ANKRD27: variants seen among roughly 807,000 people sequenced by gnomAD.
ANKRD27 encodes ankyrin repeat domain 27.
Under a neutral mutation model 129.7 loss-of-function variants are expected in ANKRD27, and 112 were observed. The observed-to-expected ratio is 0.86, with a 90% confidence interval of 0.74 to 1.01. ANKRD27 has a LOEUF of 1.01. ANKRD27 is among the 50% of genes least tolerant of loss of function. ANKRD27 has a pLI of 0.00. For missense variants in ANKRD27, 1,258 were observed against 1,300.5 expected, an observed-to-expected ratio of 0.97 and a Z score of 0.50; for synonymous variants, 516 against 511.2, an observed-to-expected ratio of 1.01 and a Z score of -0.13.
chr19:32,666,997 G>A (rs1172246968), intron 1 of ANKRD27, among the ~76,000 whole-genome samples: 3 of 152,122 alleles, frequency 2.0e-5, no homozygotes, highest in Non-Finnish European at 4.4e-5. Flanking sequence ...GCCTCCATCT[G>A]GGCCTGCACC....
rs201782507 is a variant in ANKRD27 at position 32,643,301 on chromosome 19, T to C, written c.691A>G (p.Met231Val). 319 of 1,613,966 alleles carry C rather than the reference T, an allele frequency of 2.0e-4. 1 individual carries two copies. Among genetic ancestry groups the C allele is most frequent in the Middle Eastern group, 1.6e-4 (1 of 6,084 alleles). Residue 231 changes from methionine to valine, a missense_variant, in exon 8 of 29, where the codon ATG becomes GTG. Coordinates refer to ENST00000306065, the MANE Select transcript of ANKRD27 (RefSeq NM_032139.3). ...YNLIFKYVGT[M>V]EASEDAAFNK... ...TGAGAACCTACCTCACTTGCCTCCA[T>C]GGTCCCCACGTATTTAAAGATCAGG...
chr19:32,620,885 CAAAAAAAAAAAAAA>C (rs746859989), intron 18 of ANKRD27, among the ~76,000 whole-genome samples: 1 of 75,302 alleles, frequency 1.3e-5, no homozygotes, highest in Non-Finnish European at 2.4e-5. Flanking sequence ...AACCTTGTCT[CAAAAAAAAAAAAAA>C]AAAAAAAAAA....
intron 23 of ANKRD27, among the ~76,000 whole-genome samples, chr19:32,606,231 C>T (rs1482929086): frequency 6.6e-6 from 1 of 150,610 alleles, no homozygotes; most frequent in Non-Finnish European, 1.5e-5. Context: ...TGGCTTACTC[C>T]AGCCTCCGCC....
Position 32,642,022 on chromosome 19 carries a change from A to G in ANKRD27, c.904+2T>C, listed in dbSNP as rs761880780. ...TGGCCAGTCCCCTTTCCAAGCACAA[A>G]CCTCTCTGGCTTGGAGACTGTGTAA... On this transcript the variant is annotated splice_donor_variant, in intron 10 of 28. Coordinates refer to ENST00000306065, the MANE Select transcript of ANKRD27 (RefSeq NM_032139.3). LOFTEE classifies it high-confidence loss of function. The G allele has an allele frequency of 1.4e-5, 22 of 1,573,508 alleles. No individual in the cohort carries two copies. Among genetic ancestry groups the G allele is most frequent in the Non-Finnish European group, 1.8e-5 (21 of 1,155,770 alleles).
intron 2 of ANKRD27, among the ~76,000 whole-genome samples, chr19:32,652,256 T>C (rs1412204402): frequency 6.6e-6 from 1 of 152,150 alleles, no homozygotes; most frequent in Non-Finnish European, 1.5e-5. Context: ...CAAAAAATGG[T>C]TTATTCTAGC....
In ANKRD27 at chr19:32,644,485, A is replaced by G. The variant is rs764458920; in HGVS notation, c.371-6T>C. 1 of 1,612,774 alleles carries G rather than the reference A, an allele frequency of 6.2e-7. No individual in the cohort carries two copies. Among genetic ancestry groups the G allele is most frequent in the South Asian group, 1.1e-5 (1 of 91,068 alleles). ...TGAGGGTGCCAAAGGCTCTTCTGAA[A>G]AAGAAACAAACAGGTCAGGCCGGCT... is the stretch of plus-strand genomic sequence containing the variant. On this transcript the variant is annotated splice_region_variant and splice_polypyrimidine_tract_variant and intron_variant, in intron 4 of 28. Transcript: ENST00000306065.
chr19:32,640,432 G>A, intron 10 of ANKRD27, 47 bp from the exon 11 acceptor site: 1 of 1,513,560 alleles, frequency 6.6e-7, no homozygotes, highest in Non-Finnish European at 9.2e-7. Context: ...GATTCAAATG[G>A]ACTGACAAGC....
At chr19:32,639,271 C>T (rs1967148225) in intron 12 of ANKRD27, 85 bp downstream of exon 12, 3 of 1,528,180 alleles carry the variant, frequency 2.0e-6, no homozygotes, top group East Asian at 2.3e-5. Flanking sequence ...TTTAAGAATC[C>T]GTCTGCCCAC....
At chr19:32,630,699 T>C (rs78593754) in intron 13 of ANKRD27, among the ~76,000 whole-genome samples, 2 of 152,168 alleles carry the variant, frequency 1.3e-5, no homozygotes, top group Non-Finnish European at 2.9e-5. Flanking sequence ...GGCACAATCA[T>C]AGCTCACGGC....
Position 32,598,270 on chromosome 19 carries a change from G to C in ANKRD27, c.3028C>G (p.Gln1010Glu). Residue 1010 changes from glutamine (Q) to glutamate (E), a missense_variant, in exon 29 of 29, where the codon CAG (glutamine) becomes GAG (glutamate). Gln to Glu is a conservative substitution (Grantham distance 29). Coordinates refer to ENST00000306065, the MANE Select transcript of ANKRD27 (RefSeq NM_032139.3). ...ATCCGTCTGTGTCCAGGGCCAGTCT[G>C]TGTCAGTCCAGGCCTCTCTGGCCAG... ...SDWPERPGLT[Q>E]TGPGHRRMLR... The C allele has an allele frequency of 6.2e-7, 1 of 1,614,182 alleles. No homozygotes were observed. The highest frequency in any genetic ancestry group is 1.3e-5 in the African/African-American group (1 of 75,044).
intron 3 of ANKRD27, among the ~76,000 whole-genome samples, chr19:32,649,231 C>T (rs1256869406): frequency 6.6e-6 from 1 of 152,064 alleles, no homozygotes; most frequent in African/African-American, 2.4e-5. Context: ...CCTCGGCCCC[C>T]CAAAGTGCTA....
chr19:32,631,357 T>C, intron 13 of ANKRD27, 45 bp downstream of exon 13: 1 of 1,538,052 alleles, frequency 6.5e-7, no homozygotes, highest in Non-Finnish European at 9.0e-7. Flanking sequence ...AGAGATGCAG[T>C]GTTCCTCACC....
At chr19:32,641,851 T>C (rs1469190610) in intron 10 of ANKRD27, among the ~76,000 whole-genome samples, 173 bp downstream of exon 10, 1 of 143,740 alleles carries the variant, frequency 7.0e-6, no homozygotes, top group Non-Finnish European at 1.5e-5. Context: ...CACTGCAACC[T>C]CCAATTCCTG....
intron 12 of ANKRD27, among the ~76,000 whole-genome samples, chr19:32,633,671 T>C (rs1374513639): frequency 6.6e-6 from 1 of 151,950 alleles, no homozygotes; most frequent in Non-Finnish European, 1.5e-5. Context: ...AAGGTAACTC[T>C]AGAGTCATCC....
chr19:32,602,093 G>A lies in ANKRD27; in HGVS notation c.2689C>T (p.Pro897Ser), dbSNP rs143494983. The A allele has an allele frequency of 6.2e-7, 1 of 1,613,598 alleles. No individual in the cohort carries two copies. The highest frequency in any genetic ancestry group is 8.5e-7 in the Non-Finnish European group (1 of 1,179,718). ...SKIMELLQVV[P>S]SCVASLDDVA... ...TCATCTAATGAAGCAACACAGCTTG[G>A]TACCACCTGAAGCAATTCCATTATT... Residue 897 changes from proline (P) to serine (S), a missense_variant, in exon 26 of 29, where the codon CCA (proline) becomes TCA (serine). Transcript: ENST00000306065.
chr19:32,619,427 C>T (rs772360280), intron 19 of ANKRD27, 48 bp from the exon 20 acceptor site: 7 of 1,613,892 alleles, frequency 4.3e-6, no homozygotes, highest in East Asian at 4.5e-5. Flanking sequence ...CACAAGGACA[C>T]GTGAGGACCA....
At chr19:32,672,329 G>A (rs1346063180) in intron 1 of ANKRD27, among the ~76,000 whole-genome samples, 1 of 152,218 alleles carries the variant, frequency 6.6e-6, no homozygotes, top group Non-Finnish European at 1.5e-5. Context: ...AGTCACTTGT[G>A]TCCTCCTGAC....
intron 1 of ANKRD27, among the ~76,000 whole-genome samples, chr19:32,666,705 TG>T (rs1321837914): frequency 7.0e-6 from 1 of 143,412 alleles, no homozygotes; most frequent in Non-Finnish European, 1.5e-5. Context: ...AGTGCAGTGG[TG>T]CAATCTCGGC....
intron 2 of ANKRD27, among the ~76,000 whole-genome samples, chr19:32,655,710 C>T (rs527396139): frequency 2.6e-5 from 4 of 151,436 alleles, no homozygotes; most frequent in East Asian, 3.9e-4. Flanking sequence ...TTGAGAACGC[C>T]GTCTCTACAA....
Sources: allele counts gnomAD v4.1 joint callset (sites outside exome capture counted in the v4.1 genomes callset), GRCh38; gene constraint gnomAD v4.1.1; transcripts MANE v1.5; gene names NCBI Gene and HGNC (gene_info 2026-07-23, HGNC 2026-07-21).